RFTN2: variants seen among roughly 807,000 people sequenced by gnomAD.
RFTN2 encodes raftlin-2.
In RFTN2, 34 loss-of-function variants were observed where a neutral mutation model predicts 52.7. The observed-to-expected ratio is 0.64, with a 90% CI of 0.49 to 0.86. The LOEUF is 0.86. RFTN2 is among the 40% of genes least tolerant of loss of function. The pLI, the probability that RFTN2 is intolerant of heterozygous loss-of-function variation, is 0.00. For synonymous variants in RFTN2, 203 were observed against 217.7 expected (o/e 0.93, Z 0.59); for missense variants, 536 against 600.1 (o/e 0.89, Z 1.12).
intron 7 of RFTN2, among the ~76,000 whole-genome samples, chr2:197,607,281 G>A (rs1287037529): frequency 6.6e-6 from 1 of 152,048 alleles, no homozygotes; most frequent in Non-Finnish European, 1.5e-5. Flanking sequence ...ATTGAACAAC[G>A]AGAACACATG....
chr2:197,616,309 A>ATTTTATTTTATTTTATTTTATTT (rs1553601950), intron 6 of RFTN2, among the ~76,000 whole-genome samples: 1 of 125,040 alleles, frequency 8.0e-6, no homozygotes, highest in African/African-American at 3.1e-5. Flanking sequence ...ATTTTATTTT[A>ATTTTATTTTATTTTATTTTATTT]AAGAGAGGGT....
rs188161154 is a variant in RFTN2 at position 197,675,429 on chromosome 2, G to A, written c.30C>T (p.Asp10=). The A allele has an allele frequency of 5.0e-6, 8 of 1,597,226 alleles. No homozygotes were observed. In the African/African-American group the frequency reaches 8.1e-5, roughly 16 times the overall value. MGCGLRKLE[D]PDDSSPGKIF... ...TTTTTCCAGGGCTGCTATCATCAGG[G>A]TCTTCTAGCTTTCTAAGTCCGCACC... Residue 10 remains aspartate, a synonymous_variant, in exon 1 of 9, where the codon GAC becomes GAT. Transcript: ENST00000295049.
chr2:197,574,536 AC>A (rs56333362), intron 8 of RFTN2, among the ~76,000 whole-genome samples: 65,978 of 151,862 alleles, frequency 0.43, 14,709 homozygotes, highest in South Asian at 0.56. Flanking sequence ...CTCAGATGAG[AC>A]TTTGGACTGT....
At chr2:197,644,812 T>C (rs750194994) in intron 2 of RFTN2, among the ~76,000 whole-genome samples, 1 of 152,194 alleles carries the variant, frequency 6.6e-6, no homozygotes, top group Non-Finnish European at 1.5e-5. Context: ...TAGTAATGCT[T>C]AAACTAGTAA....
intron 3 of RFTN2, among the ~76,000 whole-genome samples, chr2:197,636,875 T>C (rs1303658472): frequency 6.7e-6 from 1 of 150,342 alleles, no homozygotes; most frequent in Non-Finnish European, 1.5e-5. Context: ...TGGCTGTGGG[T>C]TTGTCATAGA....
Position 197,617,921 on chromosome 2 carries a change from C to A in RFTN2, c.929G>T (p.Gly310Val). The change falls in exon 6 of 9, where the codon GGG becomes GTG. Residue 310 changes from glycine (G) to valine (V), a missense_variant and splice_region_variant. By Grantham distance (109) the Gly-to-Val change is moderately radical. Coordinates refer to ENST00000295049, the MANE Select transcript of RFTN2 (RefSeq NM_144629.3). ...DSFVFWETSKGEHLPKSLEGF... is the reference protein window; with the variant it reads ...DSFVFWETSKVEHLPKSLEGF... Reference sequence around the variant, plus strand: ...TTCCAAAGATTTAGGCAAATGTTCCCCTGTGAGGAAGAGGGTACAATTAAG... The same window carrying A: ...TTCCAAAGATTTAGGCAAATGTTCCACTGTGAGGAAGAGGGTACAATTAAG... 6.2e-7 allele frequency: 1 copy of A among 1,600,594 alleles called. No individual in the cohort carries two copies.
At chr2:197,673,598 A>G (rs2089175919) in intron 1 of RFTN2, among the ~76,000 whole-genome samples, 2 of 152,174 alleles carry the variant, frequency 1.3e-5, no homozygotes, top group Non-Finnish European at 2.9e-5. Context: ...AAACTTTTAC[A>G]GTGTAATACT....
chr2:197,655,914 G>T (rs2088888975), intron 1 of RFTN2, among the ~76,000 whole-genome samples: 2 of 152,144 alleles, frequency 1.3e-5, no homozygotes, highest in Admixed American at 1.3e-4. Flanking sequence ...CCTATCTGGA[G>T]GTCAATGTCT....
chr2:197,620,887 A>C (rs1574714588), intron 5 of RFTN2, among the ~76,000 whole-genome samples: 1 of 152,162 alleles, frequency 6.6e-6, no homozygotes, highest in South Asian at 2.1e-4. Flanking sequence ...AATCGCTTGA[A>C]CCCGGGAGGG....
chr2:197,655,656 T>G (rs1393416865), intron 1 of RFTN2, among the ~76,000 whole-genome samples: 1 of 152,068 alleles, frequency 6.6e-6, no homozygotes, highest in Non-Finnish European at 1.5e-5. Flanking sequence ...AAACCCTGTC[T>G]CTACTAAAAA....
chr2:197,582,117 C>T (rs1392805339), intron 8 of RFTN2, among the ~76,000 whole-genome samples: 1 of 152,248 alleles, frequency 6.6e-6, no homozygotes, highest in African/African-American at 2.4e-5. Flanking sequence ...GGCTGGCCAT[C>T]ATGTTTCTGT....
chr2:197,653,087 T>C (rs758373112), intron 1 of RFTN2, among the ~76,000 whole-genome samples: 3 of 152,216 alleles, frequency 2.0e-5, no homozygotes, highest in Non-Finnish European at 4.4e-5. Context: ...ATTTACCTAA[T>C]TATATTATTA....
intron 4 of RFTN2, among the ~76,000 whole-genome samples, chr2:197,632,330 C>G (rs906509362): frequency 2.9e-4 from 44 of 152,206 alleles, no homozygotes; most frequent in Non-Finnish European, 1.2e-4. Context: ...ATAGTTGAAT[C>G]ATGGGAGCGG....
chr2:197,596,061 T>C lies in RFTN2; in HGVS notation c.1163A>G (p.Asn388Ser). ...GAATACGATCTGCTTTGTAGCCAAA[T>C]TCCCTTCACTGCAAATTAAAACAAT... is the stretch of plus-strand genomic sequence containing the variant. ...TPVLRHDSEG[N>S]LATKQIVFLQ... The change falls in exon 8 of 9, where the codon AAT becomes AGT. Residue 388 changes from asparagine to serine, a missense_variant. By Grantham distance (46) the Asn-to-Ser change is conservative. Coordinates refer to ENST00000295049, the MANE Select transcript of RFTN2 (RefSeq NM_144629.3). 6.2e-7 allele frequency: 1 copy of C among 1,605,088 alleles called. No homozygotes were observed. The highest frequency in any genetic ancestry group is 8.5e-7 in the Non-Finnish European group (1 of 1,172,312).
intron 7 of RFTN2, among the ~76,000 whole-genome samples, chr2:197,605,427 G>A (rs184728163): frequency 6.6e-6 from 1 of 152,020 alleles, no homozygotes; most frequent in Admixed American, 6.6e-5. Context: ...GTGTTAGCCA[G>A]GATGATCTCG....
At position 197,617,933 on chromosome 2, in the gene RFTN2, A is replaced by C; in HGVS notation, c.929-12T>G. ...AGGCAAATGTTCCCCTGTGAGGAAG[A>C]GGGTACAATTAAGAAGGGTTGTAAA... On this transcript the variant is annotated splice_polypyrimidine_tract_variant and intron_variant, in intron 5 of 8. Coordinates refer to ENST00000295049, the MANE Select transcript of RFTN2 (RefSeq NM_144629.3). 6.3e-7 allele frequency: 1 copy of C among 1,591,830 alleles called. No individual in the cohort carries two copies. Among genetic ancestry groups the C allele is most frequent in the Non-Finnish European group, 8.6e-7 (1 of 1,168,350 alleles).
chr2:197,605,194 C>A (rs1028891815), intron 7 of RFTN2, among the ~76,000 whole-genome samples: 2 of 151,000 alleles, frequency 1.3e-5, no homozygotes, highest in African/African-American at 4.9e-5. Context: ...TACATTTATT[C>A]TTTTGGAAAA....
chr2:197,664,371 G>A (rs947901653), intron 1 of RFTN2, among the ~76,000 whole-genome samples: 10 of 151,900 alleles, frequency 6.6e-5, no homozygotes, highest in Non-Finnish European at 1.5e-4. Flanking sequence ...AGTTACTCAG[G>A]AGGCTCAGGT....
At chr2:197,582,629 C>A (rs943872343) in intron 8 of RFTN2, among the ~76,000 whole-genome samples, 10 of 152,208 alleles carry the variant, frequency 6.6e-5, no homozygotes, top group African/African-American at 2.4e-4. Flanking sequence ...TGCAAAGGGA[C>A]AATGCATCAA....
Sources: allele counts gnomAD v4.1 joint callset (sites outside exome capture counted in the v4.1 genomes callset), GRCh38; gene constraint gnomAD v4.1.1; transcripts MANE v1.5; gene names NCBI Gene and HGNC (gene_info 2026-07-23, HGNC 2026-07-21).